The following REDIC1 variants were observed in gnomAD, a reference collection of about 807,000 sequenced individuals.
REDIC1 encodes HEI10 Interacting Protein 1.
chr12:39,647,209 G>C, the REDIC1 span, among the ~76,000 whole-genome samples: 1 of 152,016 alleles, frequency 6.6e-6, no homozygotes, highest in Non-Finnish European at 1.5e-5. Context: ...CAATTCATCT[G>C]TTCAAACATA....
the REDIC1 span, among the ~76,000 whole-genome samples, chr12:39,752,184 C>T: frequency 6.8e-4 from 104 of 152,236 alleles, no homozygotes; most frequent in Middle Eastern, 3.4e-3. Context: ...ACGCCATGGA[C>T]GCATATTGGT....
chr12:39,712,997 GTATATGTATA>G, the REDIC1 span, among the ~76,000 whole-genome samples: 121 of 139,402 alleles, frequency 8.7e-4, no homozygotes, highest in South Asian at 0.019. Context: ...GTATATACGT[GTATATGTATA>G]TATACATGTG....
the REDIC1 span, among the ~76,000 whole-genome samples, chr12:39,767,925 C>A: frequency 2.6e-5 from 4 of 152,084 alleles, no homozygotes; most frequent in Non-Finnish European, 4.4e-5. Context: ...GAGGCTTCCC[C>A]AGCCCTGCAG....
the REDIC1 span, among the ~76,000 whole-genome samples, chr12:39,858,658 G>A: frequency 6.6e-6 from 1 of 152,166 alleles, no homozygotes; most frequent in Non-Finnish European, 1.5e-5. Context: ...CTGGGCTGGA[G>A]TGCAATGGCA....
the REDIC1 span, among the ~76,000 whole-genome samples, chr12:39,699,851 C>T: frequency 2.2e-4 from 34 of 152,126 alleles, no homozygotes; most frequent in Middle Eastern, 3.4e-3. Flanking sequence ...CTCACACAGC[C>T]GGGTATGCCA....
the REDIC1 span, among the ~76,000 whole-genome samples, chr12:39,657,900 T>C: frequency 1.3e-5 from 2 of 152,150 alleles, no homozygotes; most frequent in African/African-American, 4.8e-5. Flanking sequence ...TTCTTTTGTC[T>C]GCTTATTTTG....
chr12:39,677,596 CA>C, the REDIC1 span, among the ~76,000 whole-genome samples: 1 of 152,136 alleles, frequency 6.6e-6, no homozygotes, highest in East Asian at 1.9e-4. Context: ...ATGCACTTAA[CA>C]GATATTTACA....
At chr12:39,690,996 A>C in the REDIC1 span, among the ~76,000 whole-genome samples, 1 of 152,084 alleles carries the variant, frequency 6.6e-6, no homozygotes, top group Non-Finnish European at 1.5e-5. Context: ...ATGTGTCATG[A>C]CTTGAAGAGA....
At chr12:39,683,144 G>T in the REDIC1 span, 2 of 1,574,852 alleles carry the variant, frequency 1.3e-6, no homozygotes, top group South Asian at 1.2e-5. Context: ...AGAAAAGGTT[G>T]GTATTGTACA....
the REDIC1 span, among the ~76,000 whole-genome samples, chr12:39,811,158 T>A: frequency 6.6e-6 from 1 of 152,204 alleles, no homozygotes; most frequent in East Asian, 1.9e-4. Flanking sequence ...TTATTAGAAG[T>A]GCTCTCTTTT....
the REDIC1 span, among the ~76,000 whole-genome samples, chr12:39,771,496 A>G: frequency 6.6e-6 from 1 of 152,094 alleles, no homozygotes; most frequent in Non-Finnish European, 1.5e-5. Context: ...ACCACAAATT[A>G]CTGAATTCTG....
At chr12:39,895,541 T>G in the REDIC1 span, among the ~76,000 whole-genome samples, 2 of 93,504 alleles carry the variant, frequency 2.1e-5, 1 homozygote, top group Non-Finnish European at 4.3e-5. Flanking sequence ...TATATATATA[T>G]ATATATATAT....
the REDIC1 span, among the ~76,000 whole-genome samples, chr12:39,753,119 AC>A: frequency 6.6e-6 from 1 of 152,242 alleles, no homozygotes; most frequent in Non-Finnish European, 1.5e-5. Context: ...GTAAAGCATA[AC>A]AAAATTTTCT....
the REDIC1 span, among the ~76,000 whole-genome samples, chr12:39,754,024 C>A: frequency 6.6e-6 from 1 of 152,100 alleles, no homozygotes; most frequent in African/African-American, 2.4e-5. Flanking sequence ...TTCCTGTAAT[C>A]CATATGCACT....
the REDIC1 span, among the ~76,000 whole-genome samples, chr12:39,897,643 G>A: frequency 6.6e-6 from 1 of 152,176 alleles, no homozygotes. Context: ...AGCATACTGA[G>A]AAGGTGAATT....
the REDIC1 span, among the ~76,000 whole-genome samples, chr12:39,795,027 T>C: frequency 6.6e-6 from 1 of 152,190 alleles, no homozygotes; most frequent in Non-Finnish European, 1.5e-5. Flanking sequence ...GTCTTACTGC[T>C]GGGATGCTTT....
At chr12:39,906,759 G>C in the REDIC1 span, among the ~76,000 whole-genome samples, 2 of 152,016 alleles carry the variant, frequency 1.3e-5, no homozygotes, top group African/African-American at 4.8e-5. Flanking sequence ...AAATGTGGGG[G>C]ATTCATAGGT....
the REDIC1 span, among the ~76,000 whole-genome samples, chr12:39,821,973 G>A: frequency 6.6e-6 from 1 of 151,910 alleles, no homozygotes; most frequent in African/African-American, 2.4e-5. Context: ...CAATGTGCAG[G>A]TTAGTTACAT....
the REDIC1 span, among the ~76,000 whole-genome samples, chr12:39,740,690 A>T: frequency 1.3e-5 from 2 of 152,204 alleles, no homozygotes; most frequent in Admixed American, 6.5e-5. Flanking sequence ...TGAGGAAGAA[A>T]GAATGGGAGA....
Sources: gnomAD v4.1 joint callset for allele counts (sites outside exome capture counted in the v4.1 genomes callset) on GRCh38, gnomAD v4.1.1 for gene constraint, MANE v1.5 for transcripts, NCBI Gene and HGNC (gene_info 2026-07-23, HGNC 2026-07-21) for gene names.